The following RBMX variants were observed in gnomAD, a reference collection of about 807,000 sequenced individuals.
RBMX encodes RNA-binding motif protein, X chromosome.
A neutral mutation model predicts 29.3 loss-of-function variants in RBMX; 1 was observed. The ratio of observed to expected loss-of-function variants is 0.03; its 90% confidence interval spans 0.01 to 0.16. The LOEUF (loss-of-function observed/expected upper bound fraction) is 0.16. RBMX is among the 10% of genes least tolerant of loss of function. The pLI, the probability that RBMX is intolerant of heterozygous loss-of-function variation, is 1.00. For synonymous variants in RBMX, 102 were observed against 102.3 expected, an observed-to-expected ratio of 1.00 and a Z score of 0.02; for missense variants, 121 against 333.2, an observed-to-expected ratio of 0.36 and a Z score of 4.96.
chrX:136,872,130 C>T, downstream of RBMX: 1 of 490,207 alleles, frequency 2.0e-6, no homozygotes, highest in South Asian at 3.4e-5. Flanking sequence ...CATTAAAGCA[C>T]TTAACTTCAT....
chrX:136,877,893 C>T lies in RBMX; in HGVS notation c.388+22G>A, dbSNP rs368574444. ...CAGTCCCTAACTTATACACCAAACCCGAGGTCCACGCAAGTTATTACCCAT... is the reference window on the plus strand; with the variant it reads ...CAGTCCCTAACTTATACACCAAACCTGAGGTCCACGCAAGTTATTACCCAT... On this transcript the variant is annotated intron_variant, in intron 4 of 8. Transcript: ENST00000320676. The T allele has an allele frequency of 2.1e-5, 24 of 1,153,900 alleles. No homozygotes were observed. The African/African-American group carries it at 3.4e-4, about 16-fold the overall frequency.
chrX:136,878,421 G>A (rs953608282), intron 3 of RBMX, among the ~76,000 whole-genome samples: 2 of 110,545 alleles, frequency 1.8e-5, no homozygotes, highest in Admixed American at 9.7e-5. Flanking sequence ...TCAAAATATG[G>A]CTTATGGATC....
Position 136,879,517 on chromosome X carries a change from C to T in RBMX, c.-26-64G>A, listed in dbSNP as rs2077775431. On this transcript the variant is annotated intron_variant, in intron 1 of 8. Coordinates refer to ENST00000320676, the MANE Select transcript of RBMX (RefSeq NM_002139.4). Reference sequence around the variant, plus strand: ...TCCTCAAGTTTATTGGACACTTTTACTTTCGCACATTTCTCATATTTTCCA... The same window carrying T: ...TCCTCAAGTTTATTGGACACTTTTATTTTCGCACATTTCTCATATTTTCCA... 3 of 894,792 alleles carry T rather than the reference C, an allele frequency of 3.4e-6. No individual in the cohort carries two copies. In the African/African-American group the frequency reaches 6.1e-5, roughly 18 times the overall value. 73.7% of individuals were successfully genotyped at this position (894,792 alleles called of 1,213,427 possible).
At chrX:136,876,124 T>G (rs1229122527) in intron 5 of RBMX, among the ~76,000 whole-genome samples, 60 of 99,688 alleles carry the variant, frequency 6.0e-4, no homozygotes, top group African/African-American at 2.1e-3. Flanking sequence ...TTTTTTTTTT[T>G]GTTTTTTTTT....
intron 4 of RBMX, 21 bp from the exon 5 acceptor site, chrX:136,876,676 A>G: frequency 2.6e-6 from 3 of 1,146,717 alleles, no homozygotes; most frequent in East Asian, 6.1e-5. Flanking sequence ...AATAGAAAAG[A>G]AAAATATTAC....
rs1412806565 is a variant in RBMX at position 136,876,469 on chromosome X, T to C, written c.541+34A>G. 5.3e-6 allele frequency: 6 copies of C among 1,138,777 alleles called. No homozygotes were observed. The African/African-American group carries it at 5.6e-5, about 11-fold the overall frequency. The allele number at this position is 1,138,777 out of a possible 1,213,427, so 93.8% of individuals were successfully genotyped here. On this transcript the variant is annotated intron_variant, in intron 5 of 8. Transcript: ENST00000320676. ...CACCTCTCAATTCTTTGTGTTACGGTAGTAGCATAAATCATCATACATGGA... is the reference window on the plus strand; with the variant it reads ...CACCTCTCAATTCTTTGTGTTACGGCAGTAGCATAAATCATCATACATGGA...
chrX:136,880,247 A>T (rs1038546975), intron 1 of RBMX, among the ~76,000 whole-genome samples: 1 of 111,855 alleles, frequency 8.9e-6, no homozygotes, highest in African/African-American at 3.2e-5. Flanking sequence ...CCGCCAATGA[A>T]TACGAAGCCC....
chrX:136,874,642 T>A, intron 8 of RBMX, 190 bp from the exon 9 acceptor site: 1 of 521,483 alleles, frequency 1.9e-6, no homozygotes, highest in Non-Finnish European at 3.0e-6. Flanking sequence ...GGATTCATTT[T>A]AATGTTTGTT....
downstream of RBMX, among the ~76,000 whole-genome samples, chrX:136,871,701 G>A (rs1486210170): frequency 9.2e-6 from 1 of 108,737 alleles, no homozygotes; most frequent in African/African-American, 3.3e-5. Context: ...CCAGGCTGGA[G>A]TGCAATGGCG....
At chrX:136,879,629 T>C (rs1367750148) in intron 1 of RBMX, among the ~76,000 whole-genome samples, 176 bp from the exon 2 acceptor site, 1 of 112,228 alleles carries the variant, frequency 8.9e-6, no homozygotes, top group East Asian at 2.8e-4. Flanking sequence ...CTAAGTAGTT[T>C]AGTAACACTG....
chrX:136,872,462 T>C (rs2077691271), downstream of RBMX: 9 of 607,117 alleles, frequency 1.5e-5, no homozygotes, highest in South Asian at 2.8e-5. Context: ...TGCAGCTTAA[T>C]ATATTTCATG....
intron 1 of RBMX, among the ~76,000 whole-genome samples, chrX:136,879,816 A>G (rs1218611500): frequency 9.0e-6 from 1 of 111,356 alleles, no homozygotes; most frequent in Non-Finnish European, 1.9e-5. Flanking sequence ...ATGGTTTTAA[A>G]AGACTCCCAA....
rs766866374 is a variant in RBMX, at chrX:136,879,856, C to T, written c.-26-403G>A. Among the ~76,000 whole-genome samples the T allele has an allele frequency of 7.2e-5, 8 of 111,702 alleles. No individual in the cohort carries two copies. The South Asian group carries it at 3.0e-3, about 42-fold the overall frequency. ...ACAGGCTAGACACAGGACCTTAACA[C>T]CAAGCCCTCTTCCAACGACTCCTCT... is the stretch of plus-strand genomic sequence containing the variant. On this transcript the variant is annotated intron_variant, in intron 1 of 8. Coordinates refer to ENST00000320676, the MANE Select transcript of RBMX (RefSeq NM_002139.4).
chrX:136,880,438 A>G (rs183626600), intron 1 of RBMX, among the ~76,000 whole-genome samples, 159 bp downstream of exon 1: 62 of 111,293 alleles, frequency 5.6e-4, no homozygotes, highest in African/African-American at 1.9e-3. Flanking sequence ...GGGCCCCCTC[A>G]TTTGTTTTCC....
chrX:136,874,821 G>A (rs1321201767), intron 8 of RBMX: 5 of 417,157 alleles, frequency 1.2e-5, no homozygotes, highest in Non-Finnish European at 1.8e-5. Context: ...TTTTTAAATT[G>A]TATTTTCACT....
chrX:136,876,192 C>T (rs999824195), intron 5 of RBMX, among the ~76,000 whole-genome samples: 4 of 97,204 alleles, frequency 4.1e-5, no homozygotes, highest in African/African-American at 7.9e-5. Context: ...GGCATGATCT[C>T]GGTTCCCTGC....
chrX:136,876,662 C>T lies in RBMX; in HGVS notation c.389-7G>A. 1 of 1,120,154 alleles carries T rather than the reference C, an allele frequency of 8.9e-7. No individual in the cohort carries two copies. The highest frequency in any genetic ancestry group is 2.1e-5 in the South Asian group (1 of 47,320). The allele number at this position is 1,120,154 out of a possible 1,213,427, so 92.3% of individuals were successfully genotyped here. ...ATGGAATATCCACCGTCATCTGCAT[C>T]AAAAATAGAAAAGAAAAATATTACT... On this transcript the variant is annotated splice_polypyrimidine_tract_variant and splice_region_variant and intron_variant, in intron 4 of 8. Transcript: ENST00000320676.
chrX:136,873,440 A>C, downstream of RBMX: 1 of 754,049 alleles, frequency 1.3e-6, no homozygotes, highest in Non-Finnish European at 1.6e-6. Context: ...AGTAAGAGCA[A>C]GCACCTTTGC....
chrX:136,878,498 T>C (rs762263792), intron 3 of RBMX, among the ~76,000 whole-genome samples: 2 of 109,357 alleles, frequency 1.8e-5, no homozygotes, highest in South Asian at 4.0e-4. Flanking sequence ...GTAATCCCAG[T>C]ACTTTGGGAG....
Sources: gnomAD v4.1 joint callset for allele counts (sites outside exome capture counted in the v4.1 genomes callset) on GRCh38, gnomAD v4.1.1 for gene constraint, MANE v1.5 for transcripts, NCBI Gene and HGNC (gene_info 2026-07-23, HGNC 2026-07-21) for gene names.